Variants in RICTOR observed in about 807,000 individuals in gnomAD.
RICTOR encodes rapamycin-insensitive companion of mTOR.
Under a neutral mutation model 214.9 loss-of-function variants are expected in RICTOR, and 49 were observed. That is an observed-to-expected ratio of 0.23 (90% CI 0.18 to 0.29). The LOEUF (loss-of-function observed/expected upper bound fraction) is 0.29. RICTOR is among the 10% of genes least tolerant of loss of function. RICTOR has a pLI of 1.00. For missense variants in RICTOR, 1,625 were observed against 2,047.0 expected, an observed-to-expected ratio of 0.79 and a Z score of 3.98; for synonymous variants, 717 against 711.3, an observed-to-expected ratio of 1.01 and a Z score of -0.13.
chr5:38,974,135 C>A (rs528800717), intron 10 of RICTOR, among the ~76,000 whole-genome samples: 1 of 151,770 alleles, frequency 6.6e-6, no homozygotes, highest in Non-Finnish European at 1.5e-5. Context: ...CTGCAACCTC[C>A]GCCTCCTGGG....
At chr5:38,999,949 T>C (rs1369693416) in intron 5 of RICTOR, among the ~76,000 whole-genome samples, 1 of 151,948 alleles carries the variant, frequency 6.6e-6, no homozygotes, top group South Asian at 2.1e-4. Flanking sequence ...ATGCAACCAC[T>C]AGGCAAAAGA....
rs1001333830 is a variant in RICTOR at position 38,952,327 on chromosome 5, T to G, written c.2996A>C (p.His999Pro). Residue 999 changes from histidine (H) to proline (P), a missense_variant, in exon 30 of 38, where the codon CAT (histidine) becomes CCT (proline). Physicochemically the swap from His to Pro is moderately conservative, Grantham distance 77. Around this residue, in one of 5 missense-constraint regions of RICTOR, gnomAD observed 1,214 missense variants for 1,470.5 expected, o/e 0.83. Coordinates refer to ENST00000357387, the MANE Select transcript of RICTOR (RefSeq NM_152756.5). ...ATCATCTGGAACCACTGGCCACAGATGTTTGCGACTATGCCTCACAGCATC... is the reference window on the plus strand; with the variant it reads ...ATCATCTGGAACCACTGGCCACAGAGGTTTGCGACTATGCCTCACAGCATC... ...NWDAVRHSRK[H>P]LWPVVPDDVE... The G allele has an allele frequency of 1.2e-6, 2 of 1,613,032 alleles. No homozygotes were observed. The highest frequency in any genetic ancestry group is 1.7e-6 in the Non-Finnish European group (2 of 1,179,282).
chr5:39,034,492 G>T (rs545382433), intron 2 of RICTOR, among the ~76,000 whole-genome samples: 1 of 152,240 alleles, frequency 6.6e-6, no homozygotes, highest in Admixed American at 6.5e-5. Flanking sequence ...GCAGCGCACC[G>T]TGCATGAGCC....
At chr5:38,960,913 AT>A (rs1749742340) in intron 19 of RICTOR, among the ~76,000 whole-genome samples, 2 of 152,088 alleles carry the variant, frequency 1.3e-5, no homozygotes, top group Admixed American at 1.3e-4. Flanking sequence ...ATGAAGAAGG[AT>A]ATGTTTGCTT....
At chr5:38,985,781 C>T (rs577770101) in intron 7 of RICTOR, among the ~76,000 whole-genome samples, 10 of 152,164 alleles carry the variant, frequency 6.6e-5, no homozygotes, top group Admixed American at 3.9e-4. Flanking sequence ...CTGCAACCTC[C>T]GCCTACCAGG....
In RICTOR at chr5:38,957,926, C is replaced by T. The variant is rs538601635; in HGVS notation, c.2421-196G>A. Among the ~76,000 whole-genome samples the T allele has an allele frequency of 1.2e-4, 19 of 152,202 alleles. No homozygotes were observed. The East Asian group carries it at 1.7e-3, about 14-fold the overall frequency. ...AATTTTCACAATCTTTGCAACAACA[C>T]GCGAACCCAATCACAATAAAGAAAA... On this transcript the variant is annotated intron_variant, in intron 24 of 37. Coordinates refer to ENST00000357387, the MANE Select transcript of RICTOR (RefSeq NM_152756.5).
intron 3 of RICTOR, among the ~76,000 whole-genome samples, chr5:39,012,570 T>C (rs915092998): frequency 1.1e-4 from 16 of 152,164 alleles, no homozygotes; most frequent in Admixed American, 1.0e-3. Flanking sequence ...CTTCAACAAT[T>C]AGGTAGCAGT....
intron 2 of RICTOR, among the ~76,000 whole-genome samples, chr5:39,051,752 C>CT (rs1757874659): frequency 6.8e-6 from 1 of 147,578 alleles, no homozygotes; most frequent in Non-Finnish European, 1.5e-5. Flanking sequence ...GACTCTGTCT[C>CT]AAAAAAAAAA....
At chr5:38,990,597 G>A (rs1399589683) in intron 7 of RICTOR, among the ~76,000 whole-genome samples, 7 of 115,810 alleles carry the variant, frequency 6.0e-5, no homozygotes, top group African/African-American at 2.5e-4. Flanking sequence ...TGATATATAC[G>A]ATATATATGA....
chr5:39,026,596 T>C (rs1027901154), intron 2 of RICTOR, among the ~76,000 whole-genome samples: 2 of 152,084 alleles, frequency 1.3e-5, no homozygotes, highest in African/African-American at 4.8e-5. Context: ...CTGAATACAA[T>C]TGATTTCAAC....
Position 38,939,588 on chromosome 5 carries a change from C to T in RICTOR, c.*2716G>A, listed in dbSNP as rs1311530881. ...TTTACTTAGTATGTGAGGCTGAAAT[C>T]TGTTCTTGAAAAAAAGTTCAATTAG... On this transcript the variant is annotated 3_prime_UTR_variant, in exon 38 of 38. Transcript: ENST00000357387. The T allele has an allele frequency of 4.3e-6, 1 of 231,310 alleles. No homozygotes were observed. The highest frequency in any genetic ancestry group is 8.6e-6 in the Non-Finnish European group (1 of 116,952). 14.3% of individuals were successfully genotyped at this position (231,310 alleles called of 1,614,324 possible). A position where few individuals can be genotyped will look rare whatever the true frequency, so the allele number is the denominator to read the frequency against.
At chr5:39,059,815 C>A (rs1486176444) in intron 2 of RICTOR, among the ~76,000 whole-genome samples, 3 of 152,040 alleles carry the variant, frequency 2.0e-5, no homozygotes, top group Non-Finnish European at 4.4e-5. Context: ...TATGTAATAT[C>A]TATTTCTTTA....
At chr5:38,990,392 G>A (rs1294717632) in intron 7 of RICTOR, among the ~76,000 whole-genome samples, 1 of 151,716 alleles carries the variant, frequency 6.6e-6, no homozygotes, top group African/African-American at 2.4e-5. Flanking sequence ...TAGATGACAA[G>A]TTGATGCGTA....
At chr5:38,973,667 A>ATAC (rs1221759821) in intron 10 of RICTOR, among the ~76,000 whole-genome samples, 1 of 152,212 alleles carries the variant, frequency 6.6e-6, no homozygotes, top group Non-Finnish European at 1.5e-5. Context: ...AAATCGAAAC[A>ATAC]TACTAGGTAA....
rs1753812959 is a variant in RICTOR at position 39,003,629 on chromosome 5, G to GA, written c.196-8dup. 5 of 1,592,826 alleles carry GA rather than the reference G, an allele frequency of 3.1e-6. No individual in the cohort carries two copies. The African/African-American group carries it at 6.7e-5, about 21-fold the overall frequency. ...GGCCAATATCACAAAGAAGCTGTCA[G>GA]AAAAACAAAATAAGTGTGCATTTAT... On this transcript the variant is annotated splice_region_variant and splice_polypyrimidine_tract_variant and intron_variant, in intron 3 of 37. Coordinates refer to ENST00000357387, the MANE Select transcript of RICTOR (RefSeq NM_152756.5).
At chr5:38,983,734 C>T (rs930450570) in intron 7 of RICTOR, among the ~76,000 whole-genome samples, 1 of 152,034 alleles carries the variant, frequency 6.6e-6, no homozygotes, top group Non-Finnish European at 1.5e-5. Context: ...GAGGCTGAGG[C>T]GGGTGGATCA....
intron 15 of RICTOR, among the ~76,000 whole-genome samples, chr5:38,965,111 A>T (rs1229289587): frequency 6.6e-6 from 1 of 151,180 alleles, no homozygotes; most frequent in African/African-American, 2.4e-5. Context: ...ACATATTAAC[A>T]TAACCATTAA....
At chr5:39,021,634 A>G (rs1456977261) in intron 2 of RICTOR, among the ~76,000 whole-genome samples, 1 of 151,756 alleles carries the variant, frequency 6.6e-6, no homozygotes, top group African/African-American at 2.4e-5. Context: ...CTCTCCCCTC[A>G]CCCCACCTCC....
intron 22 of RICTOR, 48 bp from the exon 23 acceptor site, chr5:38,958,879 A>T: frequency 7.8e-7 from 1 of 1,278,100 alleles, no homozygotes; most frequent in Non-Finnish European, 1.0e-6. Flanking sequence ...CTTCAGCATA[A>T]ATAGCCTATT....
Sources: gnomAD v4.1 joint callset for allele counts (sites outside exome capture counted in the v4.1 genomes callset) on GRCh38, gnomAD v4.1.1 for gene constraint, gnomAD v4.1.1 regional missense constraint, MANE v1.5 for transcripts, NCBI Gene and HGNC (gene_info 2026-07-23, HGNC 2026-07-21) for gene names.